Variants in CEP112 observed in about 807,000 individuals in gnomAD.
The protein encoded by CEP112 is centrosomal protein of 112 kDa.
A neutral mutation model predicts 153.0 loss-of-function variants in CEP112; 127 were observed. The observed-to-expected ratio is 0.83, with a 90% CI of 0.72 to 0.96. The LOEUF (loss-of-function observed/expected upper bound fraction) is 0.96. Ranked by LOEUF, CEP112 falls within the 40% of genes least tolerant of loss-of-function variation. CEP112 has a pLI of 0.00. For missense variants in CEP112, 1,089 were observed against 1,101.2 expected (o/e 0.99, Z 0.16); for synonymous variants, 358 against 374.4 (o/e 0.96, Z 0.51).
At chr17:65,750,804 C>G in intron 21 of CEP112, 80 bp from the exon 22 acceptor site, 1 of 1,274,496 alleles carries the variant, frequency 7.8e-7, no homozygotes, top group Non-Finnish European at 1.1e-6. Context: ...CACCAGGCAG[C>G]TGGGATGCCT....
intron 21 of CEP112, among the ~76,000 whole-genome samples, chr17:65,792,428 C>T (rs1225865983): frequency 1.3e-5 from 2 of 152,032 alleles, no homozygotes; most frequent in Non-Finnish European, 2.9e-5. Context: ...TGCTTTGTAG[C>T]TGCAAGCAAG....
chr17:66,139,421 T>C (rs971505033), intron 4 of CEP112, among the ~76,000 whole-genome samples: 12 of 152,046 alleles, frequency 7.9e-5, no homozygotes, highest in Non-Finnish European at 2.9e-5. Flanking sequence ...CTCAGCAACA[T>C]AGTGAGCCTC....
At chr17:65,871,453 G>A (rs866115406) in intron 20 of CEP112, among the ~76,000 whole-genome samples, 10 of 152,216 alleles carry the variant, frequency 6.6e-5, no homozygotes, top group South Asian at 6.2e-4. Context: ...GGCTAACATG[G>A]TGAAACCCCA....
intron 23 of CEP112, among the ~76,000 whole-genome samples, chr17:65,709,218 A>T (rs1250063104): frequency 6.6e-6 from 1 of 152,246 alleles, no homozygotes; most frequent in African/African-American, 2.4e-5. Flanking sequence ...TATAATAAAA[A>T]GATTACTTTA....
chr17:65,739,667 C>T (rs1054841412), intron 23 of CEP112, among the ~76,000 whole-genome samples: 3 of 151,724 alleles, frequency 2.0e-5, no homozygotes, highest in Non-Finnish European at 2.9e-5. Flanking sequence ...ACCCGGGAGG[C>T]GGAAGTTGCG....
chr17:66,145,819 G>C (rs982679054), intron 4 of CEP112, among the ~76,000 whole-genome samples: 1 of 152,036 alleles, frequency 6.6e-6, no homozygotes, highest in African/African-American at 2.4e-5. Flanking sequence ...GAATCAGGCT[G>C]AGGAAGTTCC....
At chr17:65,804,220 G>C (rs2055452773) in intron 21 of CEP112, among the ~76,000 whole-genome samples, 1 of 152,066 alleles carries the variant, frequency 6.6e-6, no homozygotes, top group Non-Finnish European at 1.5e-5. Flanking sequence ...AAACACAAGA[G>C]AAGCTTTGTA....
rs375754252 is a variant in CEP112 at position 66,028,398 on chromosome 17, C to G, written c.1511G>C (p.Ser504Thr). Residue 504 changes from serine to threonine, a missense_variant, in exon 15 of 27, where the codon AGT (serine) becomes ACT (threonine). Physicochemically the swap from Ser to Thr is moderately conservative, Grantham distance 58. Coordinates refer to ENST00000535342, the MANE Select transcript of CEP112 (RefSeq NM_001199165.4). ...EHALSASKAS[S>T]MIEELEQNVC... ...ATTCTGCTCTAATTCTTCAATCATA[C>G]TAGATGCCTACAAGGATTTTAAGAA... The G allele has an allele frequency of 1.0e-5, 16 of 1,548,338 alleles. No individual in the cohort carries two copies. The highest frequency in any genetic ancestry group is 1.4e-5 in the Non-Finnish European group (16 of 1,134,834).
At chr17:66,069,328 T>C (rs1414520383) in intron 9 of CEP112, among the ~76,000 whole-genome samples, 1 of 151,696 alleles carries the variant, frequency 6.6e-6, no homozygotes. Flanking sequence ...ACAACCCAAA[T>C]CCCATATAGG....
In CEP112 at chr17:65,902,910, G is replaced by A. The variant is rs1408145505; in HGVS notation, c.1981-576C>T. ...GGCACCTGCTGTGCTGCAAGCTTGCGCCATGATTTCATAAAGAGCATTCTA... is the reference window on the plus strand; with the variant it reads ...GGCACCTGCTGTGCTGCAAGCTTGCACCATGATTTCATAAAGAGCATTCTA... On this transcript the variant is annotated intron_variant, in intron 19 of 26. Transcript: ENST00000535342. 2.0e-5 allele frequency among the ~76,000 whole-genome samples: 3 copies of A among 152,194 alleles called. No individual in the cohort carries two copies. The East Asian group carries it at 5.8e-4, about 29-fold the overall frequency.
At chr17:65,964,516 T>C (rs1384663780) in intron 17 of CEP112, among the ~76,000 whole-genome samples, 1 of 152,198 alleles carries the variant, frequency 6.6e-6, no homozygotes, top group African/African-American at 2.4e-5. Context: ...ATCTAAATAC[T>C]AAAACAGCAC....
At chr17:65,817,003 C>T (rs1432090573) in intron 21 of CEP112, among the ~76,000 whole-genome samples, 1 of 151,946 alleles carries the variant, frequency 6.6e-6, no homozygotes, top group Non-Finnish European at 1.5e-5. Context: ...CCAGCAAATG[C>T]TAGCAGTTAC....
At chr17:65,931,495 C>T (rs565378851) in intron 18 of CEP112, among the ~76,000 whole-genome samples, 1 of 152,196 alleles carries the variant, frequency 6.6e-6, no homozygotes, top group Non-Finnish European at 1.5e-5. Context: ...TGGCAGGAGG[C>T]CCACTTCTGC....
In CEP112 at chr17:65,902,227, G is replaced by T; in HGVS notation, c.2088C>A (p.Asn696Lys). ...TGGCAGCGCGAAGCTGTTTTTCCAG[G>T]TTTTCAATTTCCCGTTCATGGTCTC... ...LVRDHEREIE[N>K]LEKQLRAANM... Residue 696 changes from asparagine to lysine, a missense_variant, in exon 20 of 27, where the codon AAC becomes AAA. Coordinates refer to ENST00000535342, the MANE Select transcript of CEP112 (RefSeq NM_001199165.4). The T allele has an allele frequency of 6.2e-7, 1 of 1,613,658 alleles. No individual in the cohort carries two copies. The highest frequency in any genetic ancestry group is 2.2e-5 in the East Asian group (1 of 44,848).
Position 66,027,545 on chromosome 17 carries a change from A to T in CEP112, c.1612T>A (p.Phe538Ile). The T allele has an allele frequency of 7.7e-7, 1 of 1,298,608 alleles. No homozygotes were observed. Among genetic ancestry groups the T allele is most frequent in the South Asian group, 1.4e-5 (1 of 70,512 alleles). 80.4% of individuals were successfully genotyped at this position (1,298,608 alleles called of 1,614,324 possible). Reference protein sequence around the residue: ...KQQLRDQENKFQMEKSHLKHI... With the variant: ...KQQLRDQENKIQMEKSHLKHI... Reference sequence around the variant, plus strand: ...TTTAAATGACTTTTCTCCATCTGAAACTTATTTTCTTGATCCTGTGAATGA... The same window carrying T: ...TTTAAATGACTTTTCTCCATCTGAATCTTATTTTCTTGATCCTGTGAATGA... The change falls in exon 16 of 27, where the codon TTT (phenylalanine) becomes ATT (isoleucine). Residue 538 changes from phenylalanine (F) to isoleucine (I), a missense_variant. Physicochemically the swap from Phe to Ile is conservative, Grantham distance 21. Transcript: ENST00000535342.
intron 18 of CEP112, among the ~76,000 whole-genome samples, chr17:65,945,519 T>C (rs1038193138): frequency 1.3e-5 from 2 of 152,250 alleles, no homozygotes; most frequent in African/African-American, 4.8e-5. Context: ...ATCAGTTTCA[T>C]TGTTCCACCA....
intron 12 of CEP112, among the ~76,000 whole-genome samples, chr17:66,031,297 G>T (rs544631596): frequency 6.6e-6 from 1 of 152,068 alleles, no homozygotes; most frequent in East Asian, 1.9e-4. Context: ...GAATAAAGAT[G>T]ATTTGTATTC....
At chr17:65,942,853 A>G (rs2061545079) in intron 18 of CEP112, among the ~76,000 whole-genome samples, 1 of 151,946 alleles carries the variant, frequency 6.6e-6, no homozygotes, top group Admixed American at 6.5e-5. Flanking sequence ...TTCTCCAGTA[A>G]AGTACTATTG....
At chr17:65,666,284 C>T (rs1195606231) in intron 24 of CEP112, among the ~76,000 whole-genome samples, 1 of 152,204 alleles carries the variant, frequency 6.6e-6, no homozygotes, top group Non-Finnish European at 1.5e-5. Flanking sequence ...GCTATTTAAC[C>T]TCAATGGACC....
Sources: gnomAD v4.1 joint callset for allele counts (sites outside exome capture counted in the v4.1 genomes callset) on GRCh38, gnomAD v4.1.1 for gene constraint, MANE v1.5 for transcripts, NCBI Gene and HGNC (gene_info 2026-07-23, HGNC 2026-07-21) for gene names.